HDAC8: variants seen among roughly 807,000 people sequenced by gnomAD.
HDAC8 encodes histone deacetylase 8, also known as histone deacetylase-like 1.
HDAC8 carries 1 observed loss-of-function variant against 32.2 expected under a neutral mutation model. The observed-to-expected ratio is 0.03, with a 90% CI of 0.01 to 0.15. The LOEUF (loss-of-function observed/expected upper bound fraction) is 0.15, where lower values mean the gene tolerates loss of function less well. HDAC8 is among the 10% of genes least tolerant of loss of function. The pLI is 1.00. For synonymous variants in HDAC8, 108 were observed against 113.9 expected, an observed-to-expected ratio of 0.95 and a Z score of 0.33; for missense variants, 117 against 300.0, an observed-to-expected ratio of 0.39 and a Z score of 4.51.
intron 4 of HDAC8, among the ~76,000 whole-genome samples, chrX:72,509,547 G>A (rs1367318874): frequency 8.9e-6 from 1 of 111,789 alleles, no homozygotes; most frequent in Non-Finnish European, 1.9e-5. Flanking sequence ...TTATTATTCC[G>A]CCTTTAAAAA....
chrX:72,384,009 C>T (rs782361419), intron 9 of HDAC8, among the ~76,000 whole-genome samples: 26 of 110,910 alleles, frequency 2.3e-4, no homozygotes, highest in Non-Finnish European at 4.9e-4. Context: ...TTTCTTCAGG[C>T]AGTGTGTTAG....
rs782461118 is a variant in HDAC8, at chrX:72,559,764, G to A, written c.437+8125C>T. 1.4e-3 allele frequency among the ~76,000 whole-genome samples: 151 copies of A among 108,203 alleles called. 1 individual carries two copies. The highest frequency in any genetic ancestry group is 9.7e-3 in the Middle Eastern group (2 of 206). The allele number at this position is 108,203 out of a possible 115,157, so 94.0% of individuals were successfully genotyped here. A position where few individuals can be genotyped will look rare whatever the true frequency, so the allele number is the denominator to read the frequency against. Reference sequence around the variant, plus strand: ...AGGAGCATCTCTGCCCGGCCGCCCCGTCTGAGAAGTGAAGAGCCCCTCCGC... The same window carrying A: ...AGGAGCATCTCTGCCCGGCCGCCCCATCTGAGAAGTGAAGAGCCCCTCCGC... On this transcript the variant is annotated intron_variant, in intron 4 of 10. Coordinates refer to ENST00000373573, the MANE Select transcript of HDAC8 (RefSeq NM_018486.3).
intron 4 of HDAC8, among the ~76,000 whole-genome samples, chrX:72,530,696 T>TCTACCTAC (rs1279516738): frequency 1.8e-5 from 2 of 111,214 alleles, no homozygotes; most frequent in Non-Finnish European, 3.8e-5. Flanking sequence ...TGTCTGTCTA[T>TCTACCTAC]CTACCTACCT....
intron 9 of HDAC8, among the ~76,000 whole-genome samples, chrX:72,388,606 A>G (rs2045524416): frequency 9.3e-6 from 1 of 107,508 alleles, no homozygotes; most frequent in Non-Finnish European, 1.9e-5. Context: ...ACACACACAC[A>G]CACACACACA....
intron 1 of HDAC8, 88 bp from the exon 2 acceptor site, chrX:72,572,197 A>G: frequency 1.1e-6 from 1 of 895,228 alleles, no homozygotes; most frequent in East Asian, 3.4e-5. Context: ...CAATCTCACC[A>G]TCCTGAACAA....
intron 10 of HDAC8, among the ~76,000 whole-genome samples, chrX:72,338,995 A>T (rs1170570986): frequency 9.0e-6 from 1 of 111,396 alleles, no homozygotes; most frequent in Non-Finnish European, 1.9e-5. Context: ...TGCTTATTAC[A>T]TTTTAAAGCA....
intron 10 of HDAC8, among the ~76,000 whole-genome samples, chrX:72,348,925 G>C (rs1419349218): frequency 8.9e-6 from 1 of 111,760 alleles, no homozygotes; most frequent in African/African-American, 3.3e-5. Context: ...CAGCAATTTA[G>C]TCCAATCACC....
intron 9 of HDAC8, among the ~76,000 whole-genome samples, chrX:72,440,716 G>A (rs184346808): frequency 0.011 from 1,247 of 112,071 alleles, 23 homozygotes; most frequent in African/African-American, 0.039. Flanking sequence ...TGCGTGAGCC[G>A]AAGCAGGGCG....
intron 9 of HDAC8, among the ~76,000 whole-genome samples, chrX:72,406,403 A>AT (rs1249940935): frequency 9.1e-6 from 1 of 110,381 alleles, no homozygotes; most frequent in Non-Finnish European, 1.9e-5. Flanking sequence ...TAAGTTTTGT[A>AT]TTTTTTTTGT....
intron 9 of HDAC8, among the ~76,000 whole-genome samples, chrX:72,385,203 C>A (rs1338531937): frequency 8.9e-6 from 1 of 111,862 alleles, no homozygotes; most frequent in Non-Finnish European, 1.9e-5. Flanking sequence ...GTGGCTCATG[C>A]CTGTAATCCC....
intron 9 of HDAC8, 49 bp from the exon 10 acceptor site, chrX:72,351,887 C>T (rs782244344): frequency 1.1e-6 from 1 of 923,975 alleles, no homozygotes; most frequent in South Asian, 2.2e-5. Context: ...CACATAAAAC[C>T]TCCAAACCAA....
intron 4 of HDAC8, among the ~76,000 whole-genome samples, chrX:72,498,271 G>A (rs1412070154): frequency 9.1e-6 from 1 of 110,468 alleles, no homozygotes; most frequent in Non-Finnish European, 1.9e-5. Flanking sequence ...TGCATGGGAA[G>A]AGTTGTCAAA....
chrX:72,338,738 T>C (rs1555943777), intron 10 of HDAC8, among the ~76,000 whole-genome samples: 1 of 101,848 alleles, frequency 9.8e-6, no homozygotes, highest in Admixed American at 1.1e-4. Flanking sequence ...TTTTATTTTT[T>C]GGGTTATTAA....
intron 9 of HDAC8, among the ~76,000 whole-genome samples, chrX:72,406,474 T>G (rs1410009677): frequency 8.9e-6 from 1 of 111,766 alleles, no homozygotes; most frequent in Admixed American, 9.5e-5. Context: ...CAAGCGACTC[T>G]CCTGCTTCAG....
intron 4 of HDAC8, among the ~76,000 whole-genome samples, chrX:72,506,186 A>G (rs1556018973): frequency 1.8e-5 from 2 of 112,381 alleles, no homozygotes; most frequent in Non-Finnish European, 3.8e-5. Context: ...CTAGACTATG[A>G]TAGAAGTTGT....
At chrX:72,427,127 G>A (rs1038164769) in intron 9 of HDAC8, among the ~76,000 whole-genome samples, 2 of 110,764 alleles carry the variant, frequency 1.8e-5, no homozygotes, top group South Asian at 4.0e-4. Flanking sequence ...ACTATACCAC[G>A]TATCAATAAT....
intron 9 of HDAC8, among the ~76,000 whole-genome samples, chrX:72,375,190 T>C (rs1209363609): frequency 8.9e-6 from 1 of 112,193 alleles, no homozygotes; most frequent in Non-Finnish European, 1.9e-5. Context: ...GAAGTTTTAT[T>C]TGTCAGGGTT....
chrX:72,449,120 A>G (rs1240626837), intron 9 of HDAC8, among the ~76,000 whole-genome samples: 2 of 112,114 alleles, frequency 1.8e-5, no homozygotes, highest in African/African-American at 6.5e-5. Context: ...ACATGAACAC[A>G]TAGGTTTGTA....
intron 9 of HDAC8, among the ~76,000 whole-genome samples, chrX:72,386,656 C>G (rs2045438035): frequency 9.0e-6 from 1 of 111,542 alleles, no homozygotes; most frequent in African/African-American, 3.3e-5. Flanking sequence ...TCCTATGAGG[C>G]AGGTACTATA....
Sources: gnomAD v4.1 joint callset for allele counts (sites outside exome capture counted in the v4.1 genomes callset) on GRCh38, gnomAD v4.1.1 for gene constraint, MANE v1.5 for transcripts, NCBI Gene and HGNC (gene_info 2026-07-23, HGNC 2026-07-21) for gene names.